Variants in DNM2 observed in about 807,000 individuals in gnomAD.
The protein encoded by DNM2 is dynamin-2.
A neutral mutation model predicts 99.0 loss-of-function variants in DNM2; 15 were observed. The observed-to-expected ratio is 0.15, with a 90% confidence interval of 0.10 to 0.23. DNM2 has a LOEUF of 0.23. Ranked by LOEUF, DNM2 falls within the 10% of genes least tolerant of loss-of-function variation. DNM2 has a pLI of 1.00. For synonymous variants in DNM2, 525 were observed against 481.2 expected (o/e 1.09, Z -1.19); for missense variants, 742 against 1,189.4 (o/e 0.62, Z 5.53).
In DNM2 at chr19:10,831,707, G is replaced by A. The variant is rs1263799992; in HGVS notation, c.*660G>A. ...CCTCCTGGGTCCCCCAGGGTGGCTG[G>A]GCTTGGGCTATGTGGGTGGTGGTGG... is the stretch of plus-strand genomic sequence containing the variant. On this transcript the variant is annotated 3_prime_UTR_variant, in exon 21 of 21. Coordinates refer to ENST00000389253, the MANE Select transcript of DNM2 (RefSeq NM_001005361.3). This position sits in a 1 kb window ranked among gnomAD's most constrained non-coding sequence, Gnocchi z 4.3. The A allele has an allele frequency of 5.1e-6, 5 of 986,298 alleles. No homozygotes were observed. The Admixed American group carries it at 1.8e-4, about 36-fold the overall frequency. The allele number at this position is 986,298 out of a possible 1,614,324, so 61.1% of individuals were successfully genotyped here. A position where few individuals can be genotyped will look rare whatever the true frequency, so the allele number is the denominator to read the frequency against.
chr19:10,773,765 GC>G (rs895666598), intron 3 of DNM2, among the ~76,000 whole-genome samples: 3 of 151,592 alleles, frequency 2.0e-5, no homozygotes, highest in African/African-American at 7.3e-5. Context: ...ACCACGCCCA[GC>G]CCATTCAGCT....
At position 10,771,270 on chromosome 19, in the gene DNM2, G is replaced by A. The variant is rs188295495; in HGVS notation, c.236-1209G>A. Among the ~76,000 whole-genome samples, 400 of 152,286 alleles carry A rather than the reference G, an allele frequency of 2.6e-3. 1 individual carries two copies. Among genetic ancestry groups the A allele is most frequent in the Non-Finnish European group, 4.4e-3 (302 of 68,020 alleles). ...GATGAACATGCCTTATATTTGCTTTGTCCTCAATCTGTGATTCGGGACTGG... is the reference window on the plus strand; with the variant it reads ...GATGAACATGCCTTATATTTGCTTTATCCTCAATCTGTGATTCGGGACTGG... On this transcript the variant is annotated intron_variant, in intron 2 of 20. Transcript: ENST00000389253.
chr19:10,831,179 G>A lies in DNM2; in HGVS notation c.*132G>A, dbSNP rs369969282. The A allele has an allele frequency of 1.8e-5, 26 of 1,417,120 alleles. No individual in the cohort carries two copies. The highest frequency in any genetic ancestry group is 5.9e-5 in the African/African-American group (4 of 67,916). 87.8% of individuals were successfully genotyped at this position (1,417,120 alleles called of 1,614,324 possible). A position where few individuals can be genotyped will look rare whatever the true frequency, so the allele number is the denominator to read the frequency against. On this transcript the variant is annotated 3_prime_UTR_variant, in exon 21 of 21. Transcript: ENST00000389253. This position sits in a 1 kb window ranked among gnomAD's most constrained non-coding sequence, Gnocchi z 4.3. ...GGGCAGCCCTGGCCTCTTCCTTAAC[G>A]CTGGCCCCGGTCCAGGGCCGGCCCC... is the stretch of plus-strand genomic sequence containing the variant.
Position 10,801,124 on chromosome 19 carries a change from G to C in DNM2, c.1423-1164G>C, listed in dbSNP as rs1003119574. 2.0e-5 allele frequency among the ~76,000 whole-genome samples: 3 copies of C among 151,084 alleles called. No homozygotes were observed. The South Asian group carries it at 6.3e-4, about 32-fold the overall frequency. On this transcript the variant is annotated intron_variant, in intron 11 of 20. Transcript: ENST00000389253. Reference sequence around the variant, plus strand: ...AGTTCGAGACCAGCTTGGGCAACACGGTGAAAACCCGTCTCTACTAAAATA... The same window carrying C: ...AGTTCGAGACCAGCTTGGGCAACACCGTGAAAACCCGTCTCTACTAAAATA...
rs116514873 is a variant in DNM2, at chr19:10,720,762, A to G, written c.161+2359A>G. Among the ~76,000 whole-genome samples the G allele has an allele frequency of 3.5e-3, 537 of 152,280 alleles. 4 individuals carry two copies. The highest frequency in any genetic ancestry group is 0.012 in the African/African-American group (511 of 41,544). ...GAAAAGAAAAAGTGCTTACTTACCT[A>G]ACGCACTGCCTGGCACATAGTAGGT... On this transcript the variant is annotated intron_variant, in intron 1 of 20. Coordinates refer to ENST00000389253, the MANE Select transcript of DNM2 (RefSeq NM_001005361.3).
chr19:10,731,041 G>A (rs1326196497), intron 1 of DNM2, among the ~76,000 whole-genome samples: 2 of 152,176 alleles, frequency 1.3e-5, no homozygotes. Context: ...CACTTTCGCG[G>A]TGATGAGAGC....
intron 12 of DNM2, among the ~76,000 whole-genome samples, chr19:10,802,946 G>A (rs912081583): frequency 1.1e-4 from 16 of 152,170 alleles, no homozygotes; most frequent in Non-Finnish European, 2.1e-4. Flanking sequence ...GCATGCTTAG[G>A]CCTCACTCAG....
chr19:10,725,171 G>A (rs1001016876), intron 1 of DNM2, among the ~76,000 whole-genome samples: 3 of 152,222 alleles, frequency 2.0e-5, no homozygotes, highest in African/African-American at 7.2e-5. Context: ...TACATGGCCG[G>A]GCATGGTGAC....
At chr19:10,797,273 T>C in intron 9 of DNM2, 107 bp from the exon 10 acceptor site, 1 of 1,499,806 alleles carries the variant, frequency 6.7e-7, no homozygotes, top group South Asian at 1.2e-5. Flanking sequence ...CATGGACTAA[T>C]CAGATGACTC....
chr19:10,817,607 C>A lies in DNM2; in HGVS notation c.1672-2373C>A, dbSNP rs994613952. ...AAGGAAACCACCACTCTTCCCGAGA[C>A]GATCCGCTCTGTCCCTTCTGACGTG... On this transcript the variant is annotated intron_variant, in intron 15 of 20. Coordinates refer to ENST00000389253, the MANE Select transcript of DNM2 (RefSeq NM_001005361.3). This position sits in a 1 kb window ranked among gnomAD's most constrained non-coding sequence, Gnocchi z 4.6. The A allele has an allele frequency of 6.0e-6, 2 of 331,550 alleles. No homozygotes were observed. Among genetic ancestry groups the A allele is most frequent in the Admixed American group, 4.5e-5 (1 of 22,054 alleles). 20.5% of individuals were successfully genotyped at this position (331,550 alleles called of 1,614,324 possible).
chr19:10,727,760 T>C (rs2069161553), intron 1 of DNM2, among the ~76,000 whole-genome samples: 2 of 152,146 alleles, frequency 1.3e-5, no homozygotes, highest in African/African-American at 4.8e-5. Flanking sequence ...TCAGCGTTTA[T>C]ATTTGGCTCA....
intron 7 of DNM2, 143 bp from the exon 8 acceptor site, chr19:10,793,577 T>C: frequency 6.7e-7 from 1 of 1,484,640 alleles, no homozygotes; most frequent in African/African-American, 1.4e-5. Context: ...TTGAATTTGG[T>C]TTATTTGTCT....
At chr19:10,797,653 G>A (rs1417313952) in intron 10 of DNM2, 135 bp downstream of exon 10, 9 of 1,379,240 alleles carry the variant, frequency 6.5e-6, no homozygotes, top group African/African-American at 1.4e-5. Flanking sequence ...TAGAGATGTC[G>A]CCACCTTGCA....
chr19:10,725,320 C>T (rs1915016857), intron 1 of DNM2, among the ~76,000 whole-genome samples: 1 of 151,960 alleles, frequency 6.6e-6, no homozygotes, highest in African/African-American at 2.4e-5. Context: ...GTGGCGCATG[C>T]CTTTAGTCCC....
At chr19:10,802,465 T>C in intron 12 of DNM2, 107 bp downstream of exon 12, 1 of 1,302,436 alleles carries the variant, frequency 7.7e-7, no homozygotes, top group African/African-American at 1.5e-5. Context: ...TCAGACAGTC[T>C]CTGTCGGGGG....
chr19:10,718,089 T>G lies in DNM2; in HGVS notation c.-154T>G. 1.1e-6 allele frequency: 1 copy of G among 897,624 alleles called. No individual in the cohort carries two copies. Among genetic ancestry groups the G allele is most frequent in the Non-Finnish European group, 1.5e-6 (1 of 682,764 alleles). The allele number at this position is 897,624 out of a possible 1,614,324, so 55.6% of individuals were successfully genotyped here. On this transcript the variant is annotated 5_prime_UTR_variant, in exon 1 of 21. It removes an upstream start codon present in the reference 5' UTR. Coordinates refer to ENST00000389253, the MANE Select transcript of DNM2 (RefSeq NM_001005361.3). ...GGTCGGGTGTCGCCTGAGAACCGGA[T>G]GAGGCGGCGACCGTGAGGCCGAGCC...
intron 2 of DNM2, among the ~76,000 whole-genome samples, chr19:10,763,828 C>T (rs1173523303): frequency 1.3e-5 from 2 of 152,066 alleles, no homozygotes; most frequent in African/African-American, 2.4e-5. Flanking sequence ...CTGCCATGTT[C>T]AGGAGGGACA....
intron 1 of DNM2, among the ~76,000 whole-genome samples, chr19:10,729,164 CAAAA>C (rs919370114): frequency 2.3e-5 from 1 of 44,412 alleles, no homozygotes; most frequent in Admixed American, 3.8e-4. Flanking sequence ...GACTCCGTCT[CAAAA>C]AAAAAAAAAA....
rs745481476 is a variant in DNM2, at chr19:10,796,042, C to T, written c.1196+603C>T. 3.7e-5 allele frequency: 60 copies of T among 1,612,788 alleles called. No homozygotes were observed. The highest frequency in any genetic ancestry group is 1.0e-4 in the Admixed American group (6 of 60,008). On this transcript the variant is annotated intron_variant, in intron 9 of 20. Transcript: ENST00000389253. This position sits in a 1 kb window ranked among gnomAD's most constrained non-coding sequence, Gnocchi z 5.6. Reference sequence around the variant, plus strand: ...CTCTCTGACTTATCTCCCCTGCCCCCGGGTCTGGACGGTTTCAGGACCGGG... The same window carrying T: ...CTCTCTGACTTATCTCCCCTGCCCCTGGGTCTGGACGGTTTCAGGACCGGG...
Sources: allele counts gnomAD v4.1 joint callset (sites outside exome capture counted in the v4.1 genomes callset), GRCh38; gene constraint gnomAD v4.1.1; non-coding constraint Gnocchi (gnomAD v3.1); transcripts MANE v1.5; gene names NCBI Gene and HGNC (gene_info 2026-07-23, HGNC 2026-07-21).